The following ATRX variants were observed in gnomAD, a reference collection of about 807,000 sequenced individuals.
ATRX encodes the protein chromatin remodeler ATRX.
ATRX carries 12 observed loss-of-function variants against 172.6 expected under a neutral mutation model. The observed-to-expected ratio is 0.07, with a 90% CI of 0.04 to 0.11. The LOEUF is 0.11. Ranked by LOEUF, ATRX falls within the 10% of genes least tolerant of loss-of-function variation. The probability of loss-of-function intolerance (pLI) is 1.00; values close to 1 mark genes in which losing one functional copy is unlikely to be tolerated. For missense variants in ATRX, 1,368 were observed against 1,767.4 expected (o/e 0.77, Z 4.05); for synonymous variants, 674 against 594.7 (o/e 1.13, Z -1.94).
chrX:77,687,131 C>T (rs1044499979), intron 7 of ATRX, among the ~76,000 whole-genome samples: 2 of 79,385 alleles, frequency 2.5e-5, no homozygotes, highest in East Asian at 4.0e-4. Context: ...CCAGCCTGGG[C>T]GACAGAGCAA....
At chrX:77,724,024 T>C (rs2073906147) in intron 1 of ATRX, among the ~76,000 whole-genome samples, 1 of 111,394 alleles carries the variant, frequency 9.0e-6, no homozygotes, top group South Asian at 3.8e-4. Context: ...CTCACACCTG[T>C]AACCCCGGCA....
Position 77,755,942 on chromosome X carries a change from C to T in ATRX, c.20+30040G>A, listed in dbSNP as rs782215465. ...GGAACATTTAAGTCTGCTGAAGCTG[C>T]GCCCACAGCTGCACCTTCCCACAGG... On this transcript the variant is annotated intron_variant, in intron 1 of 34. Coordinates refer to ENST00000373344, the MANE Select transcript of ATRX (RefSeq NM_000489.6). Among the ~76,000 whole-genome samples, 9 of 112,468 alleles carry T rather than the reference C, an allele frequency of 8.0e-5. No individual in the cohort carries two copies. In the South Asian group the frequency reaches 1.8e-3, roughly 23 times the overall value.
At chrX:77,602,621 C>T (rs1166221180) in intron 22 of ATRX, among the ~76,000 whole-genome samples, 2 of 110,260 alleles carry the variant, frequency 1.8e-5, no homozygotes, top group Non-Finnish European at 3.8e-5. Context: ...TTTCATTAAC[C>T]TCTAAGCATT....
At chrX:77,687,538 T>C (rs2071647134) in intron 7 of ATRX, among the ~76,000 whole-genome samples, 1 of 111,903 alleles carries the variant, frequency 8.9e-6, no homozygotes, top group Non-Finnish European at 1.9e-5. Context: ...AAACTACCGA[T>C]TAGTGAAATG....
Position 77,726,169 on chromosome X carries a change from C to T in ATRX, c.21-8926G>A, listed in dbSNP as rs782477709. On this transcript the variant is annotated intron_variant, in intron 1 of 34. Coordinates refer to ENST00000373344, the MANE Select transcript of ATRX (RefSeq NM_000489.6). The stretch of plus-strand genomic sequence containing the variant: ...AATCATGCTGCTATAAAGACTCACA[C>T]ACATGTATGTTTATTGCAGCACTAT... Among the ~76,000 whole-genome samples, 4 of 111,183 alleles carry T rather than the reference C, an allele frequency of 3.6e-5. No individual in the cohort carries two copies. The East Asian group carries it at 1.1e-3, about 32-fold the overall frequency.
chrX:77,604,839 T>C (rs1403859807), intron 22 of ATRX, among the ~76,000 whole-genome samples: 1 of 112,188 alleles, frequency 8.9e-6, no homozygotes, highest in Non-Finnish European at 1.9e-5. Context: ...CAAAAGCATG[T>C]CTTCTGCAGT....
intron 6 of ATRX, among the ~76,000 whole-genome samples, chrX:77,689,514 T>A (rs1409945680): frequency 8.9e-6 from 1 of 112,398 alleles, no homozygotes; most frequent in Non-Finnish European, 1.9e-5. Flanking sequence ...CCACTCCATA[T>A]CAATACTGTC....
chrX:77,735,557 A>G (rs1353318524), intron 1 of ATRX, among the ~76,000 whole-genome samples: 1 of 106,154 alleles, frequency 9.4e-6, no homozygotes, highest in Admixed American at 1.0e-4. Context: ...GTGCCACTGC[A>G]CTCCAGCCTG....
intron 1 of ATRX, among the ~76,000 whole-genome samples, chrX:77,717,807 T>G (rs1465414032): frequency 3.6e-5 from 4 of 111,062 alleles, no homozygotes; most frequent in Admixed American, 2.9e-4. Flanking sequence ...TACTTAAAAA[T>G]GTATCAGAAA....
chrX:77,698,737 A>T, intron 2 of ATRX, 108 bp from the exon 3 acceptor site: 1 of 618,295 alleles, frequency 1.6e-6, no homozygotes, highest in Non-Finnish European at 2.7e-6. Context: ...GAAGTCTGGC[A>T]GTATTGTTAA....
At chrX:77,696,744 G>T in intron 4 of ATRX, 40 bp from the exon 5 acceptor site, 1 of 1,159,700 alleles carries the variant, frequency 8.6e-7, no homozygotes, top group South Asian at 1.8e-5. Context: ...GAATGTTTCT[G>T]ACAACTGGAA....
intron 2 of ATRX, among the ~76,000 whole-genome samples, chrX:77,702,366 C>G (rs1403484627): frequency 8.9e-6 from 1 of 111,888 alleles, no homozygotes; most frequent in East Asian, 2.8e-4. Context: ...TTGCTTGAAC[C>G]TGGGAGGCAG....
At chrX:77,548,925 A>G (rs1340709327) in intron 30 of ATRX, among the ~76,000 whole-genome samples, 1 of 112,282 alleles carries the variant, frequency 8.9e-6, no homozygotes, top group African/African-American at 3.2e-5. Context: ...GTAATCATCA[A>G]GTAGTTCACA....
chrX:77,686,237 G>C (rs1407551699), intron 7 of ATRX, among the ~76,000 whole-genome samples: 6 of 112,440 alleles, frequency 5.3e-5, no homozygotes, highest in Non-Finnish European at 1.1e-4. Context: ...ATAAATGCTT[G>C]AGGGGATGGA....
At chrX:77,742,927 T>C (rs1183723603) in intron 1 of ATRX, among the ~76,000 whole-genome samples, 1 of 111,576 alleles carries the variant, frequency 9.0e-6, no homozygotes, top group Admixed American at 9.6e-5. Flanking sequence ...CAAGACACGA[T>C]GCAGGATCTC....
chrX:77,710,711 A>AC (rs1282133831), intron 2 of ATRX, among the ~76,000 whole-genome samples: 10 of 110,459 alleles, frequency 9.1e-5, no homozygotes, highest in Middle Eastern at 4.6e-3. Flanking sequence ...TATTTACTAT[A>AC]AACTCCATTT....
intron 12 of ATRX, among the ~76,000 whole-genome samples, chrX:77,660,551 A>C (rs782207026): frequency 9.1e-6 from 1 of 110,010 alleles, no homozygotes; most frequent in Non-Finnish European, 1.9e-5. Context: ...TGGGCGACAA[A>C]GCAAGACTCC....
At chrX:77,717,480 G>C in intron 1 of ATRX, among the ~76,000 whole-genome samples, 1 of 110,124 alleles carries the variant, frequency 9.1e-6, no homozygotes, top group Non-Finnish European at 1.9e-5. Flanking sequence ...GCTCATGCCT[G>C]TGGTCTCAGC....
chrX:77,677,429 A>T (rs1471167664), intron 9 of ATRX, among the ~76,000 whole-genome samples: 1 of 111,949 alleles, frequency 8.9e-6, no homozygotes, highest in East Asian at 2.8e-4. Context: ...CAGCAGTATC[A>T]CAAGGGAGCC....
Sources: allele counts gnomAD v4.1 joint callset (sites outside exome capture counted in the v4.1 genomes callset), GRCh38; gene constraint gnomAD v4.1.1; transcripts MANE v1.5; gene names NCBI Gene and HGNC (gene_info 2026-07-23, HGNC 2026-07-21).